The following RABGEF1 variants were observed in gnomAD, a reference collection of about 807,000 sequenced individuals.
The protein encoded by RABGEF1 is rab5 GDP/GTP exchange factor.
Under a neutral mutation model 57.3 loss-of-function variants are expected in RABGEF1, and 26 were observed. The ratio of observed to expected loss-of-function variants is 0.45; its 90% CI spans 0.33 to 0.63. The LOEUF (loss-of-function observed/expected upper bound fraction) is 0.63. Among genes scored for constraint, RABGEF1 ranks in the 20% least tolerant of loss-of-function variants. The pLI is 0.02. For synonymous variants in RABGEF1, 185 were observed against 210.7 expected (o/e 0.88, Z 1.06); for missense variants, 464 against 607.6 (o/e 0.76, Z 2.48).
At position 66,685,909 on chromosome 7, in the gene RABGEF1, A is replaced by G. The variant is rs1305351316; in HGVS notation, c.-873+3651A>G. 3.9e-5 allele frequency among the ~76,000 whole-genome samples: 6 copies of G among 152,310 alleles called. No individual in the cohort carries two copies. In the East Asian group the frequency reaches 1.2e-3, roughly 29 times the overall value. ...GATGACCTATCCCTCAAATGTAGGA[A>G]ATACCTGTGTAAACCTAACACCTGT... On this transcript the variant is annotated intron_variant and NMD_transcript_variant, in intron 1 of 9. Transcript: ENST00000607882.
intron 2 of RABGEF1, among the ~76,000 whole-genome samples, chr7:66,725,628 A>G (rs1796502382): frequency 6.6e-6 from 1 of 152,176 alleles, no homozygotes. Context: ...TGGCAATTTT[A>G]TGAGGCAGAT....
chr7:66,796,275 A>G (rs1236608279), intron 5 of RABGEF1, among the ~76,000 whole-genome samples: 2 of 152,144 alleles, frequency 1.3e-5, no homozygotes, highest in African/African-American at 2.4e-5. Context: ...GGGATTCTTT[A>G]TGGATTCAAC....
At chr7:66,732,714 ACTCTCTCTCGCTCT>A (rs1554310817) in intron 2 of RABGEF1, among the ~76,000 whole-genome samples, 13 of 148,350 alleles carry the variant, frequency 8.8e-5, no homozygotes, top group Admixed American at 6.0e-4. Context: ...TCTCTCGCTC[ACTCTCTCTCGCTCT>A]CTCTCTCTTG....
At chr7:66,745,170 C>G (rs904315111) in intron 1 of RABGEF1, among the ~76,000 whole-genome samples, 1 of 150,456 alleles carries the variant, frequency 6.6e-6, no homozygotes, top group Non-Finnish European at 1.5e-5. Flanking sequence ...CCAGCCTGAG[C>G]GACAGAGCGA....
At chr7:66,752,181 G>A (rs955766011) in intron 1 of RABGEF1, among the ~76,000 whole-genome samples, 8 of 151,066 alleles carry the variant, frequency 5.3e-5, no homozygotes, top group African/African-American at 1.9e-4. Flanking sequence ...CTGAGTGACA[G>A]ACTCTGTCCC....
At chr7:66,748,261 A>G (rs1308569646) in intron 1 of RABGEF1, among the ~76,000 whole-genome samples, 2 of 152,346 alleles carry the variant, frequency 1.3e-5, no homozygotes, top group East Asian at 3.8e-4. Context: ...TCTTGCCTGC[A>G]AAATAATGTG....
chr7:66,709,289 C>T (rs1426637962), intron 1 of RABGEF1, among the ~76,000 whole-genome samples: 2 of 152,028 alleles, frequency 1.3e-5, no homozygotes, highest in African/African-American at 4.8e-5. Context: ...TGTGAGCCAT[C>T]GTGCTCTGCC....
At chr7:66,716,628 G>A (rs1455111036) in intron 2 of RABGEF1, among the ~76,000 whole-genome samples, 1 of 149,242 alleles carries the variant, frequency 6.7e-6, no homozygotes, top group Admixed American at 7.6e-5. Context: ...AAATAAAACA[G>A]CAGCAACAAA....
the RABGEF1 span, among the ~76,000 whole-genome samples, chr7:66,660,581 G>A: frequency 4.0e-5 from 6 of 151,404 alleles, no homozygotes; most frequent in East Asian, 2.0e-4. Flanking sequence ...CAGCACTTTC[G>A]GAGTGCACTC....
chr7:66,788,273 T>C (rs572291372), intron 4 of RABGEF1, among the ~76,000 whole-genome samples: 1 of 152,084 alleles, frequency 6.6e-6, no homozygotes, highest in East Asian at 1.9e-4. Context: ...GGTGAAACCC[T>C]GTCTCTACTA....
intron 2 of RABGEF1, among the ~76,000 whole-genome samples, chr7:66,713,393 G>A (rs1562726306): frequency 6.6e-6 from 1 of 152,202 alleles, no homozygotes. Context: ...CCTCCAAAGT[G>A]CTGGGATTAC....
chr7:66,662,422 G>T, the RABGEF1 span, among the ~76,000 whole-genome samples: 1 of 152,266 alleles, frequency 6.6e-6, no homozygotes, highest in African/African-American at 2.4e-5. Context: ...TGATCAGGCT[G>T]GATAATCCTC....
intron 7 of RABGEF1, among the ~76,000 whole-genome samples, chr7:66,800,307 A>G (rs1214209303): frequency 6.6e-6 from 1 of 152,156 alleles, no homozygotes; most frequent in Non-Finnish European, 1.5e-5. Context: ...CCCTAGCCCC[A>G]AGGGTCATCC....
At chr7:66,789,551 C>T (rs916136156) in intron 4 of RABGEF1, among the ~76,000 whole-genome samples, 18 of 151,864 alleles carry the variant, frequency 1.2e-4, no homozygotes, top group African/African-American at 3.9e-4. Context: ...GGTGTGGTGG[C>T]GAGCACCTGT....
upstream of RABGEF1, among the ~76,000 whole-genome samples, chr7:66,678,580 A>AAG (rs1554303799): frequency 3.3e-5 from 5 of 151,540 alleles, no homozygotes; most frequent in African/African-American, 7.3e-5. Flanking sequence ...AAAAAAAAAA[A>AAG]AAAAGAAAAG....
chr7:66,753,624 T>C lies in RABGEF1; in HGVS notation c.-18+12832T>C, dbSNP rs375001541. 7.9e-5 allele frequency among the ~76,000 whole-genome samples: 12 copies of C among 151,428 alleles called. No individual in the cohort carries two copies. In the East Asian group the frequency reaches 2.2e-3, roughly 27 times the overall value. ...ATTTCCCTTTCAGTTTGAAGAGCTCTCCCTGGTATTTCTTCCAGTGGATGT... is the reference window on the plus strand; with the variant it reads ...ATTTCCCTTTCAGTTTGAAGAGCTCCCCCTGGTATTTCTTCCAGTGGATGT... On this transcript the variant is annotated intron_variant, in intron 1 of 8. Coordinates refer to ENST00000284957, the MANE Select transcript of RABGEF1 (RefSeq NM_014504.3).
chr7:66,705,207 C>T (rs1183946036), intron 1 of RABGEF1, among the ~76,000 whole-genome samples: 1 of 152,108 alleles, frequency 6.6e-6, no homozygotes, highest in Non-Finnish European at 1.5e-5. Flanking sequence ...TCGAAACAAG[C>T]TTGGCCAACA....
At chr7:66,665,383 ATCT>A in the RABGEF1 span, 2 of 151,386 alleles carry the variant, frequency 1.3e-5, no homozygotes, top group African/African-American at 4.9e-5. Context: ...TACTCAAGCG[ATCT>A]TCTCACCTTG....
intron 2 of RABGEF1, among the ~76,000 whole-genome samples, chr7:66,735,622 T>C (rs1797854112): frequency 1.3e-5 from 2 of 152,188 alleles, no homozygotes; most frequent in Admixed American, 1.3e-4. Flanking sequence ...TTTGGTGCTG[T>C]TCTCGTGATG....
Sources: allele counts gnomAD v4.1 joint callset (sites outside exome capture counted in the v4.1 genomes callset), GRCh38; gene constraint gnomAD v4.1.1; transcripts MANE v1.5; gene names NCBI Gene and HGNC (gene_info 2026-07-23, HGNC 2026-07-21).